The following GRB10 variants were observed in gnomAD, a reference collection of about 807,000 sequenced individuals.
GRB10 encodes the protein growth factor receptor-bound protein 10.
A neutral mutation model predicts 80.9 loss-of-function variants in GRB10; 20 were observed. That is an observed-to-expected ratio of 0.25 (90% CI 0.17 to 0.36). GRB10 has a LOEUF of 0.36. GRB10 is among the 10% of genes least tolerant of loss of function. GRB10 has a pLI of 1.00. For synonymous variants in GRB10, 291 were observed against 291.5 expected (o/e 1.00, Z 0.02); for missense variants, 548 against 747.7 (o/e 0.73, Z 3.12).
intron 4 of GRB10, among the ~76,000 whole-genome samples, chr7:50,711,623 T>A (rs971700062): frequency 1.2e-4 from 18 of 152,166 alleles, no homozygotes; most frequent in African/African-American, 4.1e-4. Flanking sequence ...AGCGGAGGCA[T>A]CACCCAGCTC....
intron 4 of GRB10, among the ~76,000 whole-genome samples, chr7:50,712,282 T>C (rs1040841169): frequency 3.3e-5 from 5 of 152,196 alleles, no homozygotes; most frequent in East Asian, 1.9e-4. Context: ...TTTAGGTCTA[T>C]GCAAGAGGAA....
In GRB10 at chr7:50,626,983, A is replaced by C. The variant is rs764590621; in HGVS notation, c.505-5T>G. The stretch of plus-strand genomic sequence containing the variant: ...TTCACTAAAGACTTTAACATCCTGC[A>C]ACACACAAAGGGGATAGTTACAGAT... On this transcript the variant is annotated splice_region_variant and splice_polypyrimidine_tract_variant and intron_variant, in intron 7 of 18. Transcript: ENST00000401949. 6.2e-7 allele frequency: 1 copy of C among 1,614,130 alleles called. No homozygotes were observed. Among genetic ancestry groups the C allele is most frequent in the Non-Finnish European group, 8.5e-7 (1 of 1,179,958 alleles).
Position 50,674,675 on chromosome 7 carries a change from A to G in GRB10, c.140-17T>C, listed in dbSNP as rs373964721. ...CATCATCCTCTGCACAGAAAAAGGC[A>G]AGAGCAAAAAAGAAACTTTAACAAT... On this transcript the variant is annotated splice_polypyrimidine_tract_variant and intron_variant, in intron 5 of 18. Transcript: ENST00000401949. The G allele has an allele frequency of 3.1e-6, 5 of 1,606,780 alleles. No individual in the cohort carries two copies. Among genetic ancestry groups the G allele is most frequent in the Non-Finnish European group, 4.3e-6 (5 of 1,174,548 alleles).
chr7:50,777,036 A>G (rs576674517), intron 2 of GRB10, among the ~76,000 whole-genome samples: 1 of 51,220 alleles, frequency 2.0e-5, no homozygotes, highest in East Asian at 4.5e-4. Context: ...CACTCTCAGT[A>G]TCAATTTCTG....
At chr7:50,701,788 G>A (rs2064269638) in intron 5 of GRB10, among the ~76,000 whole-genome samples, 1 of 152,240 alleles carries the variant, frequency 6.6e-6, no homozygotes, top group Non-Finnish European at 1.5e-5. Flanking sequence ...ATTGCCCAGG[G>A]TGCCCAAGTC....
chr7:50,656,003 G>A (rs2058607555), intron 7 of GRB10, among the ~76,000 whole-genome samples: 1 of 152,182 alleles, frequency 6.6e-6, no homozygotes, highest in Non-Finnish European at 1.5e-5. Context: ...CTCTCACTGG[G>A]TTATGGGCTC....
chr7:50,720,829 T>C (rs189577563), intron 4 of GRB10, among the ~76,000 whole-genome samples: 1 of 152,270 alleles, frequency 6.6e-6, no homozygotes, highest in African/African-American at 2.4e-5. Context: ...TCAATGTATT[T>C]ACTGCTTGTT....
intron 4 of GRB10, among the ~76,000 whole-genome samples, chr7:50,704,498 G>A (rs2064760171): frequency 1.3e-5 from 2 of 152,176 alleles, no homozygotes; most frequent in Non-Finnish European, 2.9e-5. Flanking sequence ...CAAATGTGGG[G>A]AAAGAAATAT....
At chr7:50,746,536 T>C (rs1587794408) in intron 3 of GRB10, among the ~76,000 whole-genome samples, 1 of 152,156 alleles carries the variant, frequency 6.6e-6, no homozygotes, top group East Asian at 1.9e-4. Flanking sequence ...CCAGGAACTG[T>C]GTGGACTCCT....
At chr7:50,668,965 C>T (rs2529415) in intron 7 of GRB10, among the ~76,000 whole-genome samples, 99,576 of 152,078 alleles carry the variant, frequency 0.65, 32,929 homozygotes, top group African/African-American at 0.73. Flanking sequence ...TATTGCCCTG[C>T]GGGTCCAATG....
At chr7:50,716,204 G>A (rs983505348) in intron 4 of GRB10, among the ~76,000 whole-genome samples, 3 of 152,214 alleles carry the variant, frequency 2.0e-5, no homozygotes, top group Non-Finnish European at 2.9e-5. Context: ...ACTTCCTTAC[G>A]CATGGGACAC....
chr7:50,704,921 G>A (rs1295939063), intron 4 of GRB10, among the ~76,000 whole-genome samples: 2 of 152,086 alleles, frequency 1.3e-5, no homozygotes, highest in Non-Finnish European at 2.9e-5. Flanking sequence ...TCGAACTACA[G>A]AGTCCACACT....
Position 50,722,910 on chromosome 7 carries a change from G to A in GRB10, c.51+9362C>T, listed in dbSNP as rs192898471. On this transcript the variant is annotated intron_variant, in intron 4 of 18. Coordinates refer to ENST00000401949, the MANE Select transcript of GRB10 (RefSeq NM_001350814.2). The stretch of plus-strand genomic sequence containing the variant: ...TTAAGTTGTTTCTCTAGATGCCCTG[G>A]CACTCACCCCTCATACTGCACAAGC... Among the ~76,000 whole-genome samples, 163 of 152,036 alleles carry A rather than the reference G, an allele frequency of 1.1e-3. No individual in the cohort carries two copies. In the Middle Eastern group the frequency reaches 0.017, roughly 16 times the overall value.
intron 2 of GRB10, among the ~76,000 whole-genome samples, chr7:50,756,485 C>A (rs182011280): frequency 1.8e-3 from 267 of 152,342 alleles, no homozygotes; most frequent in African/African-American, 6.3e-3. Context: ...AGACCTGGCC[C>A]CAGCCCACAA....
At chr7:50,606,193 C>A in intron 14 of GRB10, 144 bp downstream of exon 14, 1 of 774,498 alleles carries the variant, frequency 1.3e-6, no homozygotes, top group Non-Finnish European at 2.3e-6. Context: ...CCCACGTCAT[C>A]GTGGGACATA....
At chr7:50,685,318 T>C (rs1028259676) in intron 5 of GRB10, among the ~76,000 whole-genome samples, 2 of 152,172 alleles carry the variant, frequency 1.3e-5, no homozygotes, top group Admixed American at 6.5e-5. Context: ...AAATATAACA[T>C]AGCAAGAAAG....
intron 10 of GRB10, chr7:50,617,776 C>T: frequency 2.1e-6 from 1 of 483,396 alleles, no homozygotes; most frequent in Non-Finnish European, 3.7e-6. Flanking sequence ...CTCCATGCAC[C>T]CCCTGGCCCA....
chr7:50,678,774 C>G (rs2061237327), intron 5 of GRB10, among the ~76,000 whole-genome samples: 1 of 152,192 alleles, frequency 6.6e-6, no homozygotes, highest in Admixed American at 6.5e-5. Flanking sequence ...AGTAAGGACT[C>G]TGTGTGCCAC....
intron 17 of GRB10, among the ~76,000 whole-genome samples, chr7:50,596,471 T>G (rs1296963607): frequency 6.6e-6 from 1 of 152,200 alleles, no homozygotes; most frequent in South Asian, 2.1e-4. Context: ...TGGCTTCTAC[T>G]CGAAACGCAG....
Sources: gnomAD v4.1 joint callset for allele counts (sites outside exome capture counted in the v4.1 genomes callset) on GRCh38, gnomAD v4.1.1 for gene constraint, MANE v1.5 for transcripts, NCBI Gene and HGNC (gene_info 2026-07-23, HGNC 2026-07-21) for gene names.